The following CCDC85A variants were observed in gnomAD, a reference collection of about 807,000 sequenced individuals.
CCDC85A encodes the protein coiled-coil domain containing 85A.
A neutral mutation model predicts 50.2 loss-of-function variants in CCDC85A; 38 were observed. That is an observed-to-expected ratio of 0.76 (90% CI 0.58 to 0.99). CCDC85A has a LOEUF of 0.99. CCDC85A is among the 50% of genes least tolerant of loss of function. CCDC85A has a pLI of 0.00. For synonymous variants in CCDC85A, 366 were observed against 301.4 expected, an observed-to-expected ratio of 1.21 and a Z score of -2.22; for missense variants, 820 against 742.0, an observed-to-expected ratio of 1.11 and a Z score of -1.22.
Position 56,193,356 on chromosome 2 carries a change from G to A in CCDC85A, c.1156G>A (p.Gly386Arg), listed in dbSNP as rs766959547. The part of the protein sequence containing the change: ...GGSGGSGGSG[G>R]GSREGTLRRQ... ...CAGTGGAGGAAGTGGAGGCAGCGGC[G>A]GAGGCAGCAGGGAGGGCACCCTCAG... The change falls in exon 2 of 6, where the codon GGA becomes AGA. Residue 386 changes from glycine (G) to arginine (R), a missense_variant. Physicochemically the swap from Gly to Arg is moderately radical, Grantham distance 125. Transcript: ENST00000407595. The A allele has an allele frequency of 6.2e-6, 10 of 1,611,106 alleles. No individual in the cohort carries two copies. In the South Asian group the frequency reaches 6.6e-5, roughly 11 times the overall value.
At chr2:56,317,428 T>C (rs1672972311) in intron 2 of CCDC85A, among the ~76,000 whole-genome samples, 1 of 152,148 alleles carries the variant, frequency 6.6e-6, no homozygotes, top group Non-Finnish European at 1.5e-5. Flanking sequence ...TGAAACATTA[T>C]GCCATTTTTC....
chr2:56,235,547 A>C (rs1464215207), intron 2 of CCDC85A, among the ~76,000 whole-genome samples: 1 of 152,140 alleles, frequency 6.6e-6, no homozygotes, highest in Non-Finnish European at 1.5e-5. Flanking sequence ...ATAGAGACTA[A>C]ATTTTCTTTT....
intron 2 of CCDC85A, among the ~76,000 whole-genome samples, chr2:56,321,170 C>T (rs539349046): frequency 6.6e-6 from 1 of 152,112 alleles, no homozygotes; most frequent in South Asian, 2.1e-4. Flanking sequence ...TATGACAAAC[C>T]CACAGCCAAT....
At chr2:56,382,926 G>A (rs1676658519) in intron 5 of CCDC85A, among the ~76,000 whole-genome samples, 1 of 151,890 alleles carries the variant, frequency 6.6e-6, no homozygotes. Flanking sequence ...AAAGTCCATA[G>A]CATCCTTTGG....
intron 2 of CCDC85A, among the ~76,000 whole-genome samples, chr2:56,318,061 G>A (rs1673000795): frequency 6.6e-6 from 1 of 152,028 alleles, no homozygotes; most frequent in Non-Finnish European, 1.5e-5. Context: ...TGTCTTATCT[G>A]TGCCTATCAA....
At chr2:56,317,319 C>T (rs6545570) in intron 2 of CCDC85A, among the ~76,000 whole-genome samples, 5,508 of 152,166 alleles carry the variant, frequency 0.036, 328 homozygotes, top group African/African-American at 0.12. Context: ...TGGAGATTTA[C>T]TTTCCATATT....
At chr2:56,244,473 C>T (rs892778623) in intron 2 of CCDC85A, among the ~76,000 whole-genome samples, 5 of 151,862 alleles carry the variant, frequency 3.3e-5, no homozygotes, top group African/African-American at 1.2e-4. Context: ...CTTAGGCTCC[C>T]TTCTGACCCA....
At chr2:56,339,496 G>C (rs1469712783) in intron 2 of CCDC85A, among the ~76,000 whole-genome samples, 1 of 152,168 alleles carries the variant, frequency 6.6e-6, no homozygotes, top group Non-Finnish European at 1.5e-5. Flanking sequence ...AAGAGAAATA[G>C]ATGAAGGGAT....
chr2:56,220,921 C>T (rs1573046024), intron 2 of CCDC85A, among the ~76,000 whole-genome samples: 1 of 152,112 alleles, frequency 6.6e-6, no homozygotes, highest in East Asian at 1.9e-4. Context: ...TTGATTGGCT[C>T]TTAAATGGTC....
rs1009817531 is a variant in CCDC85A at position 56,384,972 on chromosome 2, A to G, written c.*617A>G. Reference sequence around the variant, plus strand: ...AAAAAATACCATGTAAATTCTCCCTACCAGCTAGAAGGGTAGCAAGACGTT... The same window carrying G: ...AAAAAATACCATGTAAATTCTCCCTGCCAGCTAGAAGGGTAGCAAGACGTT... On this transcript the variant is annotated 3_prime_UTR_variant, in exon 6 of 6. Transcript: ENST00000407595. 1.3e-5 allele frequency: 2 copies of G among 152,324 alleles called. No homozygotes were observed. The highest frequency in any genetic ancestry group is 2.4e-5 in the African/African-American group (1 of 41,386). The allele number at this position is 152,324 out of a possible 1,614,324, so 9.4% of individuals were successfully genotyped here. A position where few individuals can be genotyped will look rare whatever the true frequency, so the allele number is the denominator to read the frequency against.
chr2:56,336,932 A>T (rs988506781), intron 2 of CCDC85A, among the ~76,000 whole-genome samples: 3 of 152,356 alleles, frequency 2.0e-5, no homozygotes, highest in East Asian at 3.9e-4. Context: ...TTACTTCATG[A>T]TTAGTAGATC....
chr2:56,258,382 A>G (rs74975529), intron 2 of CCDC85A, among the ~76,000 whole-genome samples: 4,798 of 152,276 alleles, frequency 0.032, 122 homozygotes, highest in Admixed American at 0.066. Flanking sequence ...GTGGTATAAA[A>G]GGAAAGACAG....
intron 2 of CCDC85A, among the ~76,000 whole-genome samples, chr2:56,226,772 G>A (rs979424135): frequency 1.3e-5 from 2 of 151,986 alleles, no homozygotes; most frequent in South Asian, 2.1e-4. Flanking sequence ...TAATGGCCAT[G>A]CTAGTCACAC....
intron 3 of CCDC85A, among the ~76,000 whole-genome samples, chr2:56,355,341 G>T (rs1470641360): frequency 1.3e-5 from 2 of 152,212 alleles, no homozygotes; most frequent in African/African-American, 4.8e-5. Flanking sequence ...TCAAGAGACA[G>T]TCTGTTCAGA....
chr2:56,230,098 AG>A (rs1372344000), intron 2 of CCDC85A, among the ~76,000 whole-genome samples: 6 of 152,208 alleles, frequency 3.9e-5, no homozygotes, highest in Admixed American at 6.5e-5. Flanking sequence ...CAGCAGTGAA[AG>A]GTATTTGGCA....
At position 56,386,027 on chromosome 2, in the gene CCDC85A, T is replaced by C. The variant is rs544093801; in HGVS notation, c.*1672T>C. On this transcript the variant is annotated 3_prime_UTR_variant, in exon 6 of 6. Coordinates refer to ENST00000407595, the MANE Select transcript of CCDC85A (RefSeq NM_001080433.2). ...TGCCTGCAGCAGAGCCTGCAGAAGC[T>C]AATACAAGGGACACTGGTCTTTTGA... 2.0e-5 allele frequency: 3 copies of C among 152,352 alleles called. No individual in the cohort carries two copies. Among genetic ancestry groups the C allele is most frequent in the Non-Finnish European group, 4.4e-5 (3 of 67,816 alleles). The allele number at this position is 152,352 out of a possible 1,614,324, so 9.4% of individuals were successfully genotyped here.
intron 2 of CCDC85A, among the ~76,000 whole-genome samples, chr2:56,253,341 G>T (rs1332105723): frequency 1.3e-5 from 2 of 152,158 alleles, no homozygotes; most frequent in Non-Finnish European, 2.9e-5. Context: ...AGAATGAGTA[G>T]GACAGGAGCT....
In CCDC85A at chr2:56,338,361, C is replaced by T. The variant is rs539638434; in HGVS notation, c.1241-4518C>T. ...CTATCCATCATGTTCCCTGAGTGTA[C>T]CGGGAGATCACCTTATATTATAGTT... is the stretch of plus-strand genomic sequence containing the variant. On this transcript the variant is annotated intron_variant, in intron 2 of 5. Transcript: ENST00000407595. Among the ~76,000 whole-genome samples, 3 of 152,250 alleles carry T rather than the reference C, an allele frequency of 2.0e-5. No homozygotes were observed. The South Asian group carries it at 6.2e-4, about 32-fold the overall frequency.
chr2:56,255,751 T>G (rs767261252), intron 2 of CCDC85A, among the ~76,000 whole-genome samples: 2 of 152,006 alleles, frequency 1.3e-5, no homozygotes, highest in South Asian at 4.2e-4. Flanking sequence ...GGGTTGGGGT[T>G]TTTGTTGTTG....
Sources: gnomAD v4.1 joint callset for allele counts (sites outside exome capture counted in the v4.1 genomes callset) on GRCh38, gnomAD v4.1.1 for gene constraint, MANE v1.5 for transcripts, NCBI Gene and HGNC (gene_info 2026-07-23, HGNC 2026-07-21) for gene names.